BIN1: variants seen among roughly 807,000 people sequenced by gnomAD.
The protein encoded by BIN1 is myc box-dependent-interacting protein 1.
In BIN1, 53 loss-of-function variants were observed where a neutral mutation model predicts 82.0. That is an observed-to-expected ratio of 0.65 (90% confidence interval 0.52 to 0.81). The LOEUF is 0.81. BIN1 is among the 40% of genes least tolerant of loss of function. The pLI is 0.00. For synonymous variants in BIN1, 302 were observed against 328.0 expected, an observed-to-expected ratio of 0.92 and a Z score of 0.86; for missense variants, 642 against 784.4, an observed-to-expected ratio of 0.82 and a Z score of 2.17.
chr2:127,074,840 C>G (rs1375858346), intron 2 of BIN1, among the ~76,000 whole-genome samples: 1 of 152,200 alleles, frequency 6.6e-6, no homozygotes, highest in Non-Finnish European at 1.5e-5. Flanking sequence ...GTAGCTAGGA[C>G]TACAGGCACA....
At chr2:127,102,686 C>A (rs1680508012) in intron 1 of BIN1, among the ~76,000 whole-genome samples, 1 of 152,202 alleles carries the variant, frequency 6.6e-6, no homozygotes, top group African/African-American at 2.4e-5. Flanking sequence ...AGTCTGGAAG[C>A]CATGCTTCCA....
In BIN1 at chr2:127,102,723, G is replaced by A. The variant is rs187686692; in HGVS notation, c.84+4137C>T. Among the ~76,000 whole-genome samples the A allele has an allele frequency of 7.2e-5, 11 of 152,282 alleles. No homozygotes were observed. The East Asian group carries it at 1.9e-3, about 27-fold the overall frequency. On this transcript the variant is annotated intron_variant, in intron 1 of 18. Transcript: ENST00000316724. ...CCTCCCATGCCCACACGCCTTTACC[G>A]AACACCCAAGAACCCACACACACCT...
intron 10 of BIN1, chr2:127,060,619 C>A: frequency 6.2e-7 from 1 of 1,614,226 alleles, no homozygotes; most frequent in Non-Finnish European, 8.5e-7. Flanking sequence ...TGCGCAGCCG[C>A]GAAAACAGTT....
chr2:127,061,765 C>T (rs563138737), intron 10 of BIN1, among the ~76,000 whole-genome samples: 181 of 152,230 alleles, frequency 1.2e-3, no homozygotes, highest in African/African-American at 4.2e-3. Context: ...CTGCACACCC[C>T]GGAGTCTTTC....
chr2:127,056,722 G>A (rs1369978140), intron 12 of BIN1, among the ~76,000 whole-genome samples: 1 of 152,210 alleles, frequency 6.6e-6, no homozygotes, highest in Admixed American at 6.5e-5. Context: ...GGGGAAGGCC[G>A]GCCACCTCTG....
At position 127,062,993 on chromosome 2, in the gene BIN1, C is replaced by G. The variant is rs188317341; in HGVS notation, c.774+578G>C. Among the ~76,000 whole-genome samples the G allele has an allele frequency of 1.9e-3, 283 of 152,284 alleles. 2 individuals carry two copies. Among genetic ancestry groups the G allele is most frequent in the African/African-American group, 6.6e-3 (275 of 41,552 alleles). ...TCTGGGCCCAAGAGACAAAGTCAGA[C>G]CCACCACTGGGGGCGGGGGTGCCAG... On this transcript the variant is annotated intron_variant, in intron 9 of 18. Transcript: ENST00000316724.
chr2:127,066,163 C>T (rs561448055), intron 7 of BIN1, among the ~76,000 whole-genome samples: 39 of 152,336 alleles, frequency 2.6e-4, no homozygotes, highest in African/African-American at 8.9e-4. Context: ...CCAGCTGTGC[C>T]ATCTCACAGC....
In BIN1 at chr2:127,082,192, G is replaced by A. The variant is rs1451927000; in HGVS notation, c.85-5486C>T. On this transcript the variant is annotated intron_variant, in intron 1 of 18. Transcript: ENST00000316724. The surrounding 1 kb of genome is among the most constrained non-coding windows in gnomAD (Gnocchi z 6.1). ...GGTCCAGGCTCGCTCACTGACTCCC[G>A]GGGGCTGTCCCTCTGTCAATCTTTC... 4.0e-5 allele frequency among the ~76,000 whole-genome samples: 6 copies of A among 149,590 alleles called. No homozygotes were observed. The highest frequency in any genetic ancestry group is 4.0e-4 in the East Asian group (2 of 5,004).
Position 127,053,577 on chromosome 2 carries a change from G to C in BIN1, c.1240-132C>G, listed in dbSNP as rs1039002660. ...CCAGCAGGCACAGGAGTGGCTCGGAGCCAGGTAGACTCCAAGATTTGCAGG... is the reference window on the plus strand; with the variant it reads ...CCAGCAGGCACAGGAGTGGCTCGGACCCAGGTAGACTCCAAGATTTGCAGG... On this transcript the variant is annotated intron_variant, in intron 13 of 18. Transcript: ENST00000316724. 20 of 1,233,574 alleles carry C rather than the reference G, an allele frequency of 1.6e-5. No individual in the cohort carries two copies. The Admixed American group carries it at 4.0e-4, about 24-fold the overall frequency. 76.4% of individuals were successfully genotyped at this position (1,233,574 alleles called of 1,614,324 possible).
intron 10 of BIN1, 142 bp downstream of exon 10, chr2:127,061,973 A>C (rs898073203): frequency 9.1e-6 from 8 of 878,132 alleles, no homozygotes; most frequent in East Asian, 2.7e-5. Flanking sequence ...CCCTGAGCAC[A>C]GAGAGGCCAA....
chr2:127,094,891 G>GGACCCCCTCAATTGGGGAGGTT (rs1482163520), intron 1 of BIN1, among the ~76,000 whole-genome samples: 1 of 152,172 alleles, frequency 6.6e-6, no homozygotes, highest in African/African-American at 2.4e-5. Flanking sequence ...CCTCAGGAAA[G>GGACCCCCTCAATTGGGGAGGTT]GACCCCCTCA....
chr2:127,054,064 A>C (rs777053486), intron 12 of BIN1, 52 bp from the exon 13 acceptor site: 1 of 1,487,396 alleles, frequency 6.7e-7, no homozygotes, highest in Non-Finnish European at 9.2e-7. Context: ...TTAAGCTGGG[A>C]GCCCTCACCC....
intron 1 of BIN1, chr2:127,081,787 C>T (rs761837617): frequency 1.8e-4 from 233 of 1,284,528 alleles, no homozygotes; most frequent in Non-Finnish European, 2.3e-4. Flanking sequence ...CCCAGGCACC[C>T]ACCACCCAGC....
In BIN1 at chr2:127,093,911, G is replaced by A. The variant is rs1679253781; in HGVS notation, c.84+12949C>T. The stretch of plus-strand genomic sequence containing the variant: ...GGACTCCCTGGACTCCTCCAGTGCT[G>A]GGGGCCCCAGGCCTAAACTCAGACA... On this transcript the variant is annotated intron_variant, in intron 1 of 18. Transcript: ENST00000316724. This position sits in a 1 kb window ranked among gnomAD's most constrained non-coding sequence, Gnocchi z 5.7. Among the ~76,000 whole-genome samples, 1 of 152,158 alleles carries A rather than the reference G, an allele frequency of 6.6e-6. No homozygotes were observed. Among genetic ancestry groups the A allele is most frequent in the African/African-American group, 2.4e-5 (1 of 41,436 alleles).
intron 1 of BIN1, among the ~76,000 whole-genome samples, chr2:127,103,360 A>G (rs919425057): frequency 4.6e-5 from 7 of 152,154 alleles, no homozygotes; most frequent in African/African-American, 1.7e-4. Flanking sequence ...CCATGCATCA[A>G]GGCTCTAGGA....
At chr2:127,088,420 G>C (rs1454951458) in intron 1 of BIN1, among the ~76,000 whole-genome samples, 2 of 152,170 alleles carry the variant, frequency 1.3e-5, no homozygotes, top group African/African-American at 4.8e-5. Context: ...ATGTTGAAAG[G>C]TGCTGTGAGC....
intron 5 of BIN1, among the ~76,000 whole-genome samples, chr2:127,069,297 T>C (rs1284164610): frequency 2.0e-5 from 3 of 152,130 alleles, no homozygotes; most frequent in African/African-American, 7.2e-5. Flanking sequence ...GTCTTTTCCT[T>C]GGCCTGGCCC....
At chr2:127,089,286 A>T (rs374129390) in intron 1 of BIN1, among the ~76,000 whole-genome samples, 5 of 152,098 alleles carry the variant, frequency 3.3e-5, no homozygotes, top group African/African-American at 1.2e-4. Context: ...CTTAAAACCC[A>T]GCATGGAACG....
intron 2 of BIN1, among the ~76,000 whole-genome samples, chr2:127,074,771 C>T (rs1001003798): frequency 6.6e-6 from 1 of 152,174 alleles, no homozygotes; most frequent in Non-Finnish European, 1.5e-5. Context: ...GGCATGATCT[C>T]GGCCCACCGC....
Sources: gnomAD v4.1 joint callset for allele counts (sites outside exome capture counted in the v4.1 genomes callset) on GRCh38, gnomAD v4.1.1 for gene constraint, Gnocchi (gnomAD v3.1) non-coding constraint, MANE v1.5 for transcripts, NCBI Gene and HGNC (gene_info 2026-07-23, HGNC 2026-07-21) for gene names.